The following TRIM4 variants were observed in gnomAD, a reference collection of about 807,000 sequenced individuals.
TRIM4 encodes E3 ubiquitin-protein ligase TRIM4.
TRIM4 carries 29 observed loss-of-function variants against 33.7 expected under a neutral mutation model. The ratio of observed to expected loss-of-function variants is 0.86; its 90% CI spans 0.64 to 1.17. The LOEUF is 1.17. Among genes scored for constraint, TRIM4 ranks in the 50% most tolerant of loss-of-function variants. TRIM4 has a pLI of 0.00. For missense variants in TRIM4, 554 were observed against 593.7 expected, an observed-to-expected ratio of 0.93 and a Z score of 0.69; for synonymous variants, 224 against 233.0, an observed-to-expected ratio of 0.96 and a Z score of 0.35.
Position 99,909,433 on chromosome 7 carries a change from C to T in TRIM4, c.489+132G>A, listed in dbSNP as rs1459528835. ...TTTCAGTCACATGATATGGAGGAAACAGAGGTTCTGAGGCATCCAAGACTC... is the reference window on the plus strand; with the variant it reads ...TTTCAGTCACATGATATGGAGGAAATAGAGGTTCTGAGGCATCCAAGACTC... On this transcript the variant is annotated intron_variant, in intron 2 of 5. Transcript: ENST00000349062. The T allele has an allele frequency of 4.6e-6, 3 of 655,162 alleles. No individual in the cohort carries two copies. In the African/African-American group the frequency reaches 5.5e-5, roughly 12 times the overall value. 40.6% of individuals were successfully genotyped at this position (655,162 alleles called of 1,614,324 possible). A position where few individuals can be genotyped will look rare whatever the true frequency, so the allele number is the denominator to read the frequency against.
intron 2 of TRIM4, among the ~76,000 whole-genome samples, chr7:99,909,359 C>T (rs1465274375): frequency 6.6e-6 from 1 of 152,060 alleles, no homozygotes; most frequent in Admixed American, 6.6e-5. Context: ...CTCCTATCCC[C>T]GTATCTACAA....
rs745931126 is a variant in TRIM4, at chr7:99,908,793, C to T, written c.509G>A (p.Arg170Gln). The change falls in exon 3 of 6, where the codon CGA becomes CAA. Residue 170 changes from arginine to glutamine, a missense_variant. By Grantham distance (43) the Arg-to-Gln change is conservative. Coordinates refer to ENST00000349062, the MANE Select transcript of TRIM4 (RefSeq NM_033091.3). ...TQWKDKIKSQ[R>Q]MRISTEFSKL... ...TGAAAACTCCGTGCTGATTCTCATTCGCTGACTCTTTATCTTATCCTAAGG... is the reference window on the plus strand; with the variant it reads ...TGAAAACTCCGTGCTGATTCTCATTTGCTGACTCTTTATCTTATCCTAAGG... 7 of 1,614,044 alleles carry T rather than the reference C, an allele frequency of 4.3e-6. No individual in the cohort carries two copies. Among genetic ancestry groups the T allele is most frequent in the East Asian group, 4.5e-5 (2 of 44,890 alleles).
chr7:99,919,530 C>T lies in TRIM4; in HGVS notation c.-129G>A, dbSNP rs1819645259. 56 of 1,114,662 alleles carry T rather than the reference C, an allele frequency of 5.0e-5. 1 individual carries two copies. The South Asian group carries it at 9.8e-4, about 20-fold the overall frequency. 69.0% of individuals were successfully genotyped at this position (1,114,662 alleles called of 1,614,324 possible). The stretch of plus-strand genomic sequence containing the variant: ...CCGCCTCACGTAAAAGGGTACAACG[C>T]AGTTTCTCTTCCGGGGTTCAGGACC... On this transcript the variant is annotated 5_prime_UTR_variant, in exon 1 of 6. Transcript: ENST00000349062.
chr7:99,919,475 G>A lies in TRIM4; in HGVS notation c.-74C>T, dbSNP rs1054200993. 1.4e-6 allele frequency: 2 copies of A among 1,419,890 alleles called. No individual in the cohort carries two copies. Among genetic ancestry groups the A allele is most frequent in the African/African-American group, 3.0e-5 (2 of 66,386 alleles). The allele number at this position is 1,419,890 out of a possible 1,614,324, so 88.0% of individuals were successfully genotyped here. A position where few individuals can be genotyped will look rare whatever the true frequency, so the allele number is the denominator to read the frequency against. On this transcript the variant is annotated 5_prime_UTR_variant, in exon 1 of 6. Coordinates refer to ENST00000349062, the MANE Select transcript of TRIM4 (RefSeq NM_033091.3). ...GCCAGCAAGCTGCGAGCGGCCGCGG[G>A]GAGGCCAGACGACTTCCGAACCGCC...
chr7:99,900,565 G>A (rs1382194095), intron 5 of TRIM4, among the ~76,000 whole-genome samples: 2 of 152,100 alleles, frequency 1.3e-5, no homozygotes, highest in African/African-American at 4.8e-5. Flanking sequence ...TTTGTGTAGA[G>A]AGATTTCCAT....
chr7:99,911,336 G>A (rs1819438221), intron 1 of TRIM4, among the ~76,000 whole-genome samples: 1 of 152,026 alleles, frequency 6.6e-6, no homozygotes, highest in Non-Finnish European at 1.5e-5. Context: ...AAGAGAGAAT[G>A]GTTTCTCCTA....
At chr7:99,914,435 C>T (rs1356887883) in intron 1 of TRIM4, among the ~76,000 whole-genome samples, 1 of 152,062 alleles carries the variant, frequency 6.6e-6, no homozygotes, top group Non-Finnish European at 1.5e-5. Flanking sequence ...GGATTATAGG[C>T]ATAAGCCACC....
intron 5 of TRIM4, among the ~76,000 whole-genome samples, chr7:99,902,917 A>T (rs1819208412): frequency 6.6e-6 from 1 of 151,940 alleles, no homozygotes; most frequent in African/African-American, 2.4e-5. Context: ...GTAACATTTT[A>T]TTCCTACCAC....
Position 99,903,394 on chromosome 7 carries a change from C to T in TRIM4, c.744-79G>A, listed in dbSNP as rs1819222515. ...CCACTCCCGGTCAAAGGTTCTTAGC[C>T]CAAAGTTCAGATGGCTTCTGTTCCC... On this transcript the variant is annotated intron_variant, in intron 4 of 5. Coordinates refer to ENST00000349062, the MANE Select transcript of TRIM4 (RefSeq NM_033091.3). 5 of 1,382,858 alleles carry T rather than the reference C, an allele frequency of 3.6e-6. No individual in the cohort carries two copies. In the South Asian group the frequency reaches 6.2e-5, roughly 17 times the overall value. The allele number at this position is 1,382,858 out of a possible 1,614,324, so 85.7% of individuals were successfully genotyped here.
rs770997658 is a variant in TRIM4, at chr7:99,908,781, C to A, written c.521G>T (p.Ser174Ile). ...DKIKSQRMRI[S>I]TEFSKLHNFL... ...GTTGTGCAGCTTTGAAAACTCCGTGCTGATTCTCATTCGCTGACTCTTTAT... is the reference window on the plus strand; with the variant it reads ...GTTGTGCAGCTTTGAAAACTCCGTGATGATTCTCATTCGCTGACTCTTTAT... Residue 174 changes from serine (S) to isoleucine (I), a missense_variant, in exon 3 of 6, where the codon AGC becomes ATC. Physicochemically the swap from Ser to Ile is moderately radical, Grantham distance 142. Around this residue, in one of 3 missense-constraint regions of TRIM4, gnomAD observed 31 missense variants for 54.8 expected, o/e 0.57. Coordinates refer to ENST00000349062, the MANE Select transcript of TRIM4 (RefSeq NM_033091.3). 13 of 1,614,048 alleles carry A rather than the reference C, an allele frequency of 8.1e-6. No individual in the cohort carries two copies. Among genetic ancestry groups the A allele is most frequent in the African/African-American group, 1.3e-5 (1 of 74,910 alleles).
intron 5 of TRIM4, among the ~76,000 whole-genome samples, chr7:99,895,045 T>C (rs371074357): frequency 4.0e-4 from 61 of 152,354 alleles, no homozygotes; most frequent in Middle Eastern, 3.4e-3. Flanking sequence ...CTGTTGGCTT[T>C]CTGTATTTCA....
chr7:99,902,016 G>A, intron 5 of TRIM4: 1 of 702,922 alleles, frequency 1.4e-6, no homozygotes. Flanking sequence ...TACATGGTCT[G>A]GAAACTCCCT....
intron 1 of TRIM4, among the ~76,000 whole-genome samples, chr7:99,915,893 T>C (rs1289317182): frequency 6.6e-6 from 1 of 152,086 alleles, no homozygotes; most frequent in Non-Finnish European, 1.5e-5. Flanking sequence ...GAGTGAAAAG[T>C]GTAAAGGATT....
chr7:99,900,522 G>A (rs2527914), intron 5 of TRIM4, among the ~76,000 whole-genome samples: 98,654 of 152,022 alleles, frequency 0.65, 33,931 homozygotes, highest in African/African-American at 0.88. Flanking sequence ...ATATTTATTC[G>A]TGTCATTACC....
intron 3 of TRIM4, among the ~76,000 whole-genome samples, chr7:99,906,218 G>A (rs781316910): frequency 1.8e-4 from 28 of 152,138 alleles, no homozygotes; most frequent in Non-Finnish European, 3.1e-4. Flanking sequence ...GAAGGGAAGA[G>A]GTACTGATTG....
At chr7:99,918,294 G>A (rs1012724184) in intron 1 of TRIM4, among the ~76,000 whole-genome samples, 5 of 152,176 alleles carry the variant, frequency 3.3e-5, no homozygotes, top group East Asian at 3.8e-4. Context: ...GAGGCCGGGC[G>A]TGGTGACTCA....
chr7:99,892,135 AG>A lies in TRIM4; in HGVS notation c.*27del, dbSNP rs773308938. On this transcript the variant is annotated 3_prime_UTR_variant, in exon 6 of 6. Coordinates refer to ENST00000349062, the MANE Select transcript of TRIM4 (RefSeq NM_033091.3). ...GTGTCCCTCAGCTGGACTACAGGGAAGGAGTTTTGGTCAGGGGAAGAAAAGC... is the reference window on the plus strand; with the variant it reads ...GTGTCCCTCAGCTGGACTACAGGGAAGAGTTTTGGTCAGGGGAAGAAAAGC... The A allele has an allele frequency of 2.9e-5, 46 of 1,565,396 alleles. No individual in the cohort carries two copies. The highest frequency in any genetic ancestry group is 3.9e-5 in the Non-Finnish European group (45 of 1,155,814).
rs575677571 is a variant in TRIM4 at position 99,895,493 on chromosome 7, C to T, written c.842-2747G>A. On this transcript the variant is annotated intron_variant, in intron 5 of 5. Coordinates refer to ENST00000349062, the MANE Select transcript of TRIM4 (RefSeq NM_033091.3). Reference sequence around the variant, plus strand: ...TTAGTCTATCTTGGAAAATGTTTCACGTACACTGAAAAAAATATGTAGTAT... The same window carrying T: ...TTAGTCTATCTTGGAAAATGTTTCATGTACACTGAAAAAAATATGTAGTAT... Among the ~76,000 whole-genome samples, 69 of 152,118 alleles carry T rather than the reference C, an allele frequency of 4.5e-4. 1 individual carries two copies. In the South Asian group the frequency reaches 0.011, roughly 24 times the overall value.
At chr7:99,897,189 T>C (rs535154974) in intron 5 of TRIM4, among the ~76,000 whole-genome samples, 33 of 152,178 alleles carry the variant, frequency 2.2e-4, no homozygotes, top group African/African-American at 7.0e-4. Context: ...GATGAGTCCA[T>C]AGAGGTTCCC....
Sources: allele counts gnomAD v4.1 joint callset (sites outside exome capture counted in the v4.1 genomes callset), GRCh38; gene constraint gnomAD v4.1.1; regional missense constraint gnomAD v4.1.1; transcripts MANE v1.5; gene names NCBI Gene and HGNC (gene_info 2026-07-23, HGNC 2026-07-21).